XPC: variants seen among roughly 807,000 people sequenced by gnomAD.
The protein encoded by XPC is DNA repair protein complementing XP-C cells.
In XPC, 76 loss-of-function variants were observed where a neutral mutation model predicts 95.8. The ratio of observed to expected loss-of-function variants is 0.79; its 90% CI spans 0.66 to 0.96. XPC has a LOEUF of 0.96. Among genes scored for constraint, XPC ranks in the 40% least tolerant of loss-of-function variants. The pLI is 0.00. For synonymous variants in XPC, 442 were observed against 442.1 expected (o/e 1.00, Z 0.00); for missense variants, 1,146 against 1,179.8 (o/e 0.97, Z 0.42).
chr3:14,178,412 C>G (rs1696929109), intron 1 of XPC, 54 bp downstream of exon 1: 13 of 1,546,250 alleles, frequency 8.4e-6, no homozygotes, highest in Non-Finnish European at 1.1e-5. Context: ...GCCTCTGGGC[C>G]TCCTCCGCCC....
chr3:14,158,724 T>C lies in XPC; in HGVS notation c.1159A>G (p.Lys387Glu), dbSNP rs1418285799. The change falls in exon 9 of 16, where the codon AAG becomes GAG. Residue 387 changes from lysine (K) to glutamate (E), a missense_variant. Transcript: ENST00000285021. The surrounding 1 kb of genome is among the most constrained non-coding windows in gnomAD (Gnocchi z 5.2). ...TTGCTCCGTTTCTTTCTGCCTCCCT[T>C]GTTCCTCTTCCCTTTGGCACTTGGC... is the stretch of plus-strand genomic sequence containing the variant. ...CRPSAKGKRN[K>E]GGRKKRSKPS... 1.1e-5 allele frequency: 17 copies of C among 1,613,748 alleles called. No individual in the cohort carries two copies. Among genetic ancestry groups the C allele is most frequent in the Non-Finnish European group, 1.4e-5 (17 of 1,179,880 alleles).
rs779117189 is a variant in XPC at position 14,173,032 on chromosome 3, T to C, written c.134A>G (p.Lys45Arg). 5.7e-5 allele frequency: 92 copies of C among 1,601,034 alleles called. 1 individual carries two copies. In the South Asian group the frequency reaches 7.6e-4, roughly 13 times the overall value. Residue 45 changes from lysine (K) to arginine (R), a missense_variant, in exon 2 of 16, where the codon AAG becomes AGG. Coordinates refer to ENST00000285021, the MANE Select transcript of XPC (RefSeq NM_004628.5). ...TTGTGAAACTTTGGAGAGAAGGCTC[T>C]TCTTTGGGGGTTTCTCATCTTCAAA... Reference protein sequence around the residue: ...DAFEDEKPPKKSLLSKVSQGK... With the variant: ...DAFEDEKPPKRSLLSKVSQGK...
In XPC at chr3:14,145,791, T is replaced by C. The variant is rs1174268215; in HGVS notation, c.*150A>G. 2.0e-6 allele frequency: 2 copies of C among 977,694 alleles called. No homozygotes were observed. Among genetic ancestry groups the C allele is most frequent in the Non-Finnish European group, 3.1e-6 (2 of 637,436 alleles). The allele number at this position is 977,694 out of a possible 1,614,324, so 60.6% of individuals were successfully genotyped here. A position where few individuals can be genotyped will look rare whatever the true frequency, so the allele number is the denominator to read the frequency against. On this transcript the variant is annotated 3_prime_UTR_variant, in exon 16 of 16. Coordinates refer to ENST00000285021, the MANE Select transcript of XPC (RefSeq NM_004628.5). ...AGCACCTCCTCAGCTTGGCCTCGTC[T>C]CCCCTGACCCCGCCTCCGTGCATGC... is the stretch of plus-strand genomic sequence containing the variant.
Position 14,158,942 on chromosome 3 carries a change from A to AAT in XPC, c.991-52_991-51dup, listed in dbSNP as rs1490288211. ...TTTTTTTTCTCCCCCCTCTTTTGCT[A>AAT]ATGATATGATAGAAATCCTGTAATC... On this transcript the variant is annotated intron_variant, in intron 8 of 15. Coordinates refer to ENST00000285021, the MANE Select transcript of XPC (RefSeq NM_004628.5). This position sits in a 1 kb window ranked among gnomAD's most constrained non-coding sequence, Gnocchi z 5.2. The AAT allele has an allele frequency of 6.2e-7, 1 of 1,608,894 alleles. No individual in the cohort carries two copies. Among genetic ancestry groups the AAT allele is most frequent in the East Asian group, 2.2e-5 (1 of 44,862 alleles).
Position 14,148,021 on chromosome 3 carries a change from T to C in XPC, c.2421-20A>G, listed in dbSNP as rs1445330587. 10 of 1,554,422 alleles carry C rather than the reference T, an allele frequency of 6.4e-6. No individual in the cohort carries two copies. Among genetic ancestry groups the C allele is most frequent in the Admixed American group, 5.7e-5 (3 of 52,342 alleles). ...TCAGTCCTGTGGGGACACAACGCGATGTCAACCCTCGAACCTGCTGCCTGC... is the reference window on the plus strand; with the variant it reads ...TCAGTCCTGTGGGGACACAACGCGACGTCAACCCTCGAACCTGCTGCCTGC... On this transcript the variant is annotated intron_variant, in intron 13 of 15. Transcript: ENST00000285021.
chr3:14,176,822 C>T (rs961718427), intron 1 of XPC, among the ~76,000 whole-genome samples: 4 of 152,208 alleles, frequency 2.6e-5, no homozygotes, highest in Non-Finnish European at 5.9e-5. Flanking sequence ...ATTTACTAGC[C>T]GGGCGCAGTG....
intron 8 of XPC, 150 bp downstream of exon 8, chr3:14,159,591 G>T: frequency 1.3e-6 from 1 of 785,278 alleles, no homozygotes; most frequent in Non-Finnish European, 2.1e-6. Context: ...ACATGCCCAA[G>T]TCTTCCCTAA....
At chr3:14,166,209 C>G (rs181450056) in intron 5 of XPC, among the ~76,000 whole-genome samples, 5 of 152,112 alleles carry the variant, frequency 3.3e-5, no homozygotes, top group South Asian at 2.1e-4. Flanking sequence ...TTCCTCCCCC[C>G]CGACTAACAG....
chr3:14,162,866 T>A (rs140753737), intron 7 of XPC, among the ~76,000 whole-genome samples: 67 of 152,320 alleles, frequency 4.4e-4, no homozygotes, highest in African/African-American at 1.6e-3. Flanking sequence ...GGAAAGCATG[T>A]ATCTGATAGG....
intron 7 of XPC, among the ~76,000 whole-genome samples, chr3:14,161,554 G>C (rs2125030657): frequency 6.7e-6 from 1 of 148,812 alleles, no homozygotes; most frequent in East Asian, 2.0e-4. Flanking sequence ...ATAGAATGAA[G>C]GAAAGAAAAT....
chr3:14,175,979 T>G (rs537061303), intron 1 of XPC, among the ~76,000 whole-genome samples: 1 of 152,332 alleles, frequency 6.6e-6, no homozygotes, highest in South Asian at 2.1e-4. Flanking sequence ...CCGTTTAGGC[T>G]GAATGACACC....
chr3:14,165,655 A>C (rs1168972031), intron 5 of XPC, 70 bp from the exon 6 acceptor site: 1 of 1,567,914 alleles, frequency 6.4e-7, no homozygotes, highest in African/African-American at 1.3e-5. Flanking sequence ...TTTTGCTGCC[A>C]AAGTCAAGAC....
At position 14,145,316 on chromosome 3, in the gene XPC, T is replaced by C. The variant is rs961114050; in HGVS notation, c.*625A>G. 1.4e-6 allele frequency: 1 copy of C among 697,102 alleles called. No individual in the cohort carries two copies. The highest frequency in any genetic ancestry group is 2.6e-6 in the Non-Finnish European group (1 of 383,864). The allele number at this position is 697,102 out of a possible 1,614,324, so 43.2% of individuals were successfully genotyped here. A position where few individuals can be genotyped will look rare whatever the true frequency, so the allele number is the denominator to read the frequency against. ...TCGTATTTTTCCTTTTCTTTCCTGA[T>C]TTTAGCTTTTTTTAGGCTTCTGTCA... On this transcript the variant is annotated 3_prime_UTR_variant, in exon 16 of 16. Coordinates refer to ENST00000285021, the MANE Select transcript of XPC (RefSeq NM_004628.5).
intron 3 of XPC, among the ~76,000 whole-genome samples, chr3:14,169,294 A>T (rs939451587): frequency 2.0e-5 from 3 of 152,142 alleles, no homozygotes; most frequent in Non-Finnish European, 4.4e-5. Flanking sequence ...ATTCTTGGAA[A>T]AAAAATAAAA....
chr3:14,155,103 C>T (rs1695848828), intron 10 of XPC, among the ~76,000 whole-genome samples: 1 of 152,128 alleles, frequency 6.6e-6, no homozygotes. Context: ...AAGCCCTGCC[C>T]CTGCCCAGGG....
At chr3:14,157,292 A>C (rs1695955758) in intron 9 of XPC, among the ~76,000 whole-genome samples, 1 of 152,162 alleles carries the variant, frequency 6.6e-6, no homozygotes, top group African/African-American at 2.4e-5. Context: ...TTGCACTCCT[A>C]TAGGAAATGA....
chr3:14,155,117 C>T (rs1695849477), intron 10 of XPC, among the ~76,000 whole-genome samples: 1 of 152,174 alleles, frequency 6.6e-6, no homozygotes, highest in Non-Finnish European at 1.5e-5. Flanking sequence ...CCCAGGGCAT[C>T]ATGCCCCCCA....
intron 14 of XPC, 123 bp downstream of exon 14, chr3:14,147,785 A>G (rs1695500752): frequency 5.9e-6 from 5 of 851,260 alleles, no homozygotes; most frequent in Non-Finnish European, 9.3e-6. Flanking sequence ...GGTGCCTGCC[A>G]TGATGTCAGA....
Position 14,148,817 on chromosome 3 carries a change from C to T in XPC, c.2247G>A (p.Gly749=). The T allele has an allele frequency of 6.2e-7, 1 of 1,613,902 alleles. No individual in the cohort carries two copies. Among genetic ancestry groups the T allele is most frequent in the East Asian group, 2.2e-5 (1 of 44,894 alleles). The change falls in exon 12 of 16, where the codon GGG becomes GGA. Residue 749 remains glycine, a synonymous_variant. Coordinates refer to ENST00000285021, the MANE Select transcript of XPC (RefSeq NM_004628.5). The part of the protein sequence containing the change: ...EEYQPPVAVD[G]KVPRNEFGNV... ...GCCCTTCTGATGCTGCCCTTACCTTCCCGTCCACGGCCACTGGGGGCTGAT... is the reference window on the plus strand; with the variant it reads ...GCCCTTCTGATGCTGCCCTTACCTTTCCGTCCACGGCCACTGGGGGCTGAT...
Sources: gnomAD v4.1 joint callset for allele counts (sites outside exome capture counted in the v4.1 genomes callset) on GRCh38, gnomAD v4.1.1 for gene constraint, Gnocchi (gnomAD v3.1) non-coding constraint, MANE v1.5 for transcripts, NCBI Gene and HGNC (gene_info 2026-07-23, HGNC 2026-07-21) for gene names.